COA5: variants seen among roughly 807,000 people sequenced by gnomAD.
The protein encoded by COA5 is protein C2orf64.
Under a neutral mutation model 11.8 loss-of-function variants are expected in COA5, and 11 were observed. That is an observed-to-expected ratio of 0.93 (90% CI 0.59 to 1.54). The LOEUF (loss-of-function observed/expected upper bound fraction) is 1.54, where lower values mean the gene tolerates loss of function less well. COA5 is among the 40% of genes most tolerant of loss of function. COA5 has a pLI of 0.00. For synonymous variants in COA5, 38 were observed against 37.5 expected, an observed-to-expected ratio of 1.01 and a Z score of -0.05; for missense variants, 87 against 89.2, an observed-to-expected ratio of 0.97 and a Z score of 0.10.
intron 2 of COA5, 39 bp from the exon 3 acceptor site, chr2:98,600,832 T>A: frequency 7.4e-7 from 1 of 1,357,020 alleles, no homozygotes; most frequent in Non-Finnish European, 1.0e-6. Context: ...TTTGGTACAA[T>A]GTAATTAATT....
At chr2:98,603,424 T>C (rs1211494781) in intron 2 of COA5, among the ~76,000 whole-genome samples, 1 of 152,070 alleles carries the variant, frequency 6.6e-6, no homozygotes. Context: ...GAGGTTGCAG[T>C]GATCTGAGAT....
chr2:98,600,732 G>T lies in COA5; in HGVS notation c.*20C>A, dbSNP rs1433044465. 1.4e-5 allele frequency: 23 copies of T among 1,606,154 alleles called. No individual in the cohort carries two copies. The highest frequency in any genetic ancestry group is 1.9e-5 in the Non-Finnish European group (22 of 1,174,056). On this transcript the variant is annotated 3_prime_UTR_variant, in exon 3 of 3. Coordinates refer to ENST00000328709, the MANE Select transcript of COA5 (RefSeq NM_001008215.3). ...AGGGAAAATATTTGTTGTTTTCCAT[G>T]TTGGCTTCAACATAATGCATCAATA...
In COA5 at chr2:98,608,309, G is replaced by A. The variant is rs1700740612; in HGVS notation, c.97C>T (p.Gln33Ter). The A allele has an allele frequency of 6.2e-7, 1 of 1,600,470 alleles. No individual in the cohort carries two copies. The change falls in exon 1 of 3, where the codon CAG (glutamine) becomes TAG (stop). Residue 33 changes from glutamine (Q) to a stop codon, truncating the protein, a stop_gained and splice_region_variant. Coordinates refer to ENST00000328709, the MANE Select transcript of COA5 (RefSeq NM_001008215.3). LOFTEE classifies it high-confidence loss of function. ...ACLLQSDCVV[Q>*]EGKSPRQCLK... is the part of the protein sequence containing the mutation. Reference sequence around the variant, plus strand: ...CCGGGAGCGCCCGGCCGCGCTACCTGGACCACACAGTCCGACTGCAGCAGA... The same window carrying A: ...CCGGGAGCGCCCGGCCGCGCTACCTAGACCACACAGTCCGACTGCAGCAGA...
At chr2:98,603,733 G>A (rs1425851765) in intron 2 of COA5, among the ~76,000 whole-genome samples, 1 of 152,090 alleles carries the variant, frequency 6.6e-6, no homozygotes, top group Non-Finnish European at 1.5e-5. Context: ...TTTTCTCTTA[G>A]TCACATAAGG....
At chr2:98,605,046 G>A (rs1472298561) in intron 1 of COA5, among the ~76,000 whole-genome samples, 1 of 152,164 alleles carries the variant, frequency 6.6e-6, no homozygotes, top group East Asian at 1.9e-4. Flanking sequence ...TCTTCAAACT[G>A]TATCTAAGAT....
intron 1 of COA5, among the ~76,000 whole-genome samples, chr2:98,607,310 C>G (rs1700720491): frequency 6.6e-6 from 1 of 152,154 alleles, no homozygotes; most frequent in East Asian, 1.9e-4. Flanking sequence ...GGGACACAGC[C>G]CTGGACAGGG....
At position 98,604,211 on chromosome 2, in the gene COA5, C is replaced by T. The variant is rs201258289; in HGVS notation, c.100-20G>A. 10 of 1,563,822 alleles carry T rather than the reference C, an allele frequency of 6.4e-6. No homozygotes were observed. In the East Asian group the frequency reaches 2.2e-4, roughly 35 times the overall value. ...TCCTTCCTATGACAGACACATAAAA[C>T]AATATAAACACCTTGGAAATTTTCT... On this transcript the variant is annotated intron_variant, in intron 1 of 2. Transcript: ENST00000328709.
Position 98,600,589 on chromosome 2 carries a change from C to A in COA5, c.*163G>T. On this transcript the variant is annotated 3_prime_UTR_variant, in exon 3 of 3. Coordinates refer to ENST00000328709, the MANE Select transcript of COA5 (RefSeq NM_001008215.3). Reference sequence around the variant, plus strand: ...GATCAAGAGAATCATTTACTTTATACATATTCGAAAACAACTCATCCACTT... The same window carrying A: ...GATCAAGAGAATCATTTACTTTATAAATATTCGAAAACAACTCATCCACTT... 1 of 661,126 alleles carries A rather than the reference C, an allele frequency of 1.5e-6. No individual in the cohort carries two copies. Among genetic ancestry groups the A allele is most frequent in the Non-Finnish European group, 2.7e-6 (1 of 366,726 alleles). The allele number at this position is 661,126 out of a possible 1,614,324, so 41.0% of individuals were successfully genotyped here.
At chr2:98,602,985 A>G (rs751246408) in intron 2 of COA5, among the ~76,000 whole-genome samples, 24 of 152,224 alleles carry the variant, frequency 1.6e-4, no homozygotes, top group Non-Finnish European at 3.4e-4. Context: ...ACTGAATGAC[A>G]GGAAAAGATG....
intron 2 of COA5, among the ~76,000 whole-genome samples, chr2:98,602,949 A>G (rs1210737459): frequency 6.6e-6 from 1 of 152,222 alleles, no homozygotes; most frequent in Non-Finnish European, 1.5e-5. Context: ...ATGTGAGAGA[A>G]GGCAAGAAAA....
chr2:98,604,164 T>A lies in COA5; in HGVS notation c.127A>T (p.Lys43Ter). 1 of 1,613,828 alleles carries A rather than the reference T, an allele frequency of 6.2e-7. No individual in the cohort carries two copies. Among genetic ancestry groups the A allele is most frequent in the Admixed American group, 1.7e-5 (1 of 60,026 alleles). Residue 43 changes from lysine (K) to a stop codon, truncating the protein, a stop_gained, in exon 2 of 3, where the codon AAG becomes TAG. Coordinates refer to ENST00000328709, the MANE Select transcript of COA5 (RefSeq NM_001008215.3). LOFTEE classifies it high-confidence loss of function. ...TTCAAAGAGTTGCAGTATCCTTCCT[T>A]CAAACACTGCCGAGGTGATTTTCCT... ...QEGKSPRQCL[K>*]EGYCNSLKYA...
Position 98,600,440 on chromosome 2 carries a change from G to A in COA5, c.*312C>T, listed in dbSNP as rs1700626375. The stretch of plus-strand genomic sequence containing the variant: ...CCTGTACTAATTGGGTAATTCAATT[G>A]AAGAGTCAAGTTTGCAAATAACAGT... On this transcript the variant is annotated 3_prime_UTR_variant, in exon 3 of 3. Coordinates refer to ENST00000328709, the MANE Select transcript of COA5 (RefSeq NM_001008215.3). The A allele has an allele frequency of 4.9e-6, 2 of 405,572 alleles. No homozygotes were observed. The highest frequency in any genetic ancestry group is 2.5e-5 in the South Asian group (1 of 40,800). The allele number at this position is 405,572 out of a possible 1,614,324, so 25.1% of individuals were successfully genotyped here.
At chr2:98,600,818 C>G in intron 2 of COA5, 25 bp from the exon 3 acceptor site, 3 of 1,468,732 alleles carry the variant, frequency 2.0e-6, no homozygotes, top group Non-Finnish European at 2.9e-6. Flanking sequence ...ACAATTAAAT[C>G]AAATTTGGTA....
chr2:98,603,522 A>G (rs1700672067), intron 2 of COA5, among the ~76,000 whole-genome samples: 1 of 152,136 alleles, frequency 6.6e-6, no homozygotes, highest in African/African-American at 2.4e-5. Context: ...CTCAAGTCCA[A>G]GTGCTTTCTT....
rs377470024 is a variant in COA5 at position 98,604,198 on chromosome 2, C to G, written c.100-7G>C. 2 of 1,607,528 alleles carry G rather than the reference C, an allele frequency of 1.2e-6. No individual in the cohort carries two copies. The highest frequency in any genetic ancestry group is 1.7e-5 in the Admixed American group (1 of 60,008). On this transcript the variant is annotated splice_region_variant and splice_polypyrimidine_tract_variant and intron_variant, in intron 1 of 2. Transcript: ENST00000328709. Reference sequence around the variant, plus strand: ...GCCGAGGTGATTTTCCTTCCTATGACAGACACATAAAACAATATAAACACC... The same window carrying G: ...GCCGAGGTGATTTTCCTTCCTATGAGAGACACATAAAACAATATAAACACC...
intron 2 of COA5, among the ~76,000 whole-genome samples, chr2:98,603,353 C>T (rs1452239934): frequency 1.3e-5 from 2 of 151,996 alleles, no homozygotes; most frequent in African/African-American, 2.4e-5. Flanking sequence ...CAGTGGCAGG[C>T]GCCTGTAATC....
At chr2:98,605,551 G>A (rs1033408857) in intron 1 of COA5, among the ~76,000 whole-genome samples, 2 of 152,180 alleles carry the variant, frequency 1.3e-5, no homozygotes, top group African/African-American at 4.8e-5. Flanking sequence ...TCTCTATCTC[G>A]TTTAAGCCAC....
intron 2 of COA5, among the ~76,000 whole-genome samples, chr2:98,603,352 G>A (rs1195254121): frequency 6.6e-6 from 1 of 151,998 alleles, no homozygotes; most frequent in Non-Finnish European, 1.5e-5. Flanking sequence ...ACAGTGGCAG[G>A]CGCCTGTAAT....
At chr2:98,604,416 A>T (rs1700683695) in intron 1 of COA5, 1 of 526,958 alleles carries the variant, frequency 1.9e-6, no homozygotes, top group Non-Finnish European at 3.4e-6. Flanking sequence ...ATTCTTGAAA[A>T]CACTGGTTTC....
Sources: gnomAD v4.1 joint callset for allele counts (sites outside exome capture counted in the v4.1 genomes callset) on GRCh38, gnomAD v4.1.1 for gene constraint, MANE v1.5 for transcripts, NCBI Gene and HGNC (gene_info 2026-07-23, HGNC 2026-07-21) for gene names.